PRRC2C: variants seen among roughly 807,000 people sequenced by gnomAD.
PRRC2C encodes protein PRRC2C.
PRRC2C carries 72 observed loss-of-function variants against 317.2 expected under a neutral mutation model. The ratio of observed to expected loss-of-function variants is 0.23; its 90% confidence interval spans 0.19 to 0.28. The LOEUF (loss-of-function observed/expected upper bound fraction) is 0.28, where lower values mean the gene tolerates loss of function less well. PRRC2C is among the 10% of genes least tolerant of loss of function. The pLI is 1.00. For synonymous variants in PRRC2C, 1,296 were observed against 1,205.9 expected (o/e 1.07, Z -1.55); for missense variants, 3,074 against 3,459.7 (o/e 0.89, Z 2.80).
chr1:171,486,241 G>A (rs959932574), intron 1 of PRRC2C, among the ~76,000 whole-genome samples: 1 of 151,746 alleles, frequency 6.6e-6, no homozygotes, highest in African/African-American at 2.4e-5. Flanking sequence ...GTATGGGAGG[G>A]TCTGGTTTAA....
chr1:171,507,093 C>T (rs530762985), intron 1 of PRRC2C, among the ~76,000 whole-genome samples: 1 of 152,066 alleles, frequency 6.6e-6, no homozygotes, highest in East Asian at 1.9e-4. Context: ...TCAAGTGTAG[C>T]TTTAAGGTCT....
Position 171,557,220 on chromosome 1 carries a change from G to A in PRRC2C, c.5128-20G>A. The A allele has an allele frequency of 6.6e-7, 1 of 1,521,610 alleles. No homozygotes were observed. The highest frequency in any genetic ancestry group is 8.8e-7 in the Non-Finnish European group (1 of 1,133,776). The allele number at this position is 1,521,610 out of a possible 1,614,324, so 94.3% of individuals were successfully genotyped here. On this transcript the variant is annotated intron_variant, in intron 18 of 34. Coordinates refer to ENST00000647382, the MANE Select transcript of PRRC2C (RefSeq NM_001387844.1). ...TTCAGCTGCATTATTGACAAAAATG[G>A]TCCCCGTTAATTTTTTAAGGTCTGG... is the stretch of plus-strand genomic sequence containing the variant.
At position 171,584,077 on chromosome 1, in the gene PRRC2C, G is replaced by A. The variant is rs1267148961; in HGVS notation, c.7531G>A (p.Ala2511Thr). ...ACTTGCCAAGGCACAATCCGGTCTT[G>A]CCTTTCAGCAAACATCAAATACTCA... Reference protein sequence around the residue: ...QELAKAQSGLAFQQTSNTQPI... With the variant: ...QELAKAQSGLTFQQTSNTQPI... Residue 2511 changes from alanine (A) to threonine (T), a missense_variant, in exon 29 of 35, where the codon GCC becomes ACC. Physicochemically the swap from Ala to Thr is moderately conservative, Grantham distance 58 (BLOSUM62 0). Transcript: ENST00000647382. The A allele has an allele frequency of 3.1e-6, 5 of 1,613,940 alleles. No individual in the cohort carries two copies. The highest frequency in any genetic ancestry group is 3.3e-5 in the Admixed American group (2 of 60,012).
At chr1:171,509,844 C>CTTTTTTTTTTTTTTTTTTTTTTTTTT (rs11363110) in intron 1 of PRRC2C, 1 of 59,770 alleles carries the variant, frequency 1.7e-5, no homozygotes, top group African/African-American at 7.2e-5. Flanking sequence ...AACATTGTTT[C>CTTTTTTTTTTTTTTTTTTTTTTTTTT]TTTTTTTTTT....
intron 34 of PRRC2C, among the ~76,000 whole-genome samples, chr1:171,590,075 G>A (rs895263536): frequency 2.0e-5 from 3 of 147,384 alleles, no homozygotes; most frequent in Non-Finnish European, 4.5e-5. Context: ...ATGGTTATAT[G>A]AAAACTCTGG....
At chr1:171,524,504 A>T (rs1674204016) in intron 9 of PRRC2C, among the ~76,000 whole-genome samples, 1 of 152,198 alleles carries the variant, frequency 6.6e-6, no homozygotes, top group South Asian at 2.1e-4. Flanking sequence ...CAGTTAAATA[A>T]TAATTCCAAT....
chr1:171,589,438 G>A lies in PRRC2C; in HGVS notation c.8269G>A (p.Val2757Ile), dbSNP rs938800011. Residue 2757 changes from valine (V) to isoleucine (I), a missense_variant, in exon 34 of 35, where the codon GTT (valine) becomes ATT (isoleucine). Physicochemically the swap from Val to Ile is conservative, Grantham distance 29. Transcript: ENST00000647382. ...ACATACTAACACCTTCCCAGCGCCT[G>A]TTCAGAGGCCACCAATGGCACTGGC... ...APHTNTFPAP[V>I]QRPPMALASQ... The A allele has an allele frequency of 1.6e-6, 2 of 1,288,746 alleles. No homozygotes were observed. The highest frequency in any genetic ancestry group is 1.5e-5 in the African/African-American group (1 of 65,468). 79.8% of individuals were successfully genotyped at this position (1,288,746 alleles called of 1,614,324 possible). A position where few individuals can be genotyped will look rare whatever the true frequency, so the allele number is the denominator to read the frequency against.
At chr1:171,514,887 A>C (rs1034188596) in intron 4 of PRRC2C, among the ~76,000 whole-genome samples, 4 of 152,272 alleles carry the variant, frequency 2.6e-5, no homozygotes, top group African/African-American at 9.6e-5. Context: ...TGTGCCCCAC[A>C]TCATTTTATC....
rs1414432603 is a variant in PRRC2C at position 171,540,741 on chromosome 1, C to A, written c.3275C>A (p.Thr1092Lys). Residue 1092 changes from threonine to lysine, a missense_variant, in exon 16 of 35, where the codon ACA becomes AAA. By Grantham distance (78) the Thr-to-Lys change is moderately conservative. Coordinates refer to ENST00000647382, the MANE Select transcript of PRRC2C (RefSeq NM_001387844.1). The stretch of plus-strand genomic sequence containing the variant: ...CCAGAAGCAGAGAAATTTCCTTCAA[C>A]AGAAACTGCAACTTTGGCTCAAAAA... Reference protein sequence around the residue: ...IQPEAEKFPSTETATLAQKPS... With the variant: ...IQPEAEKFPSKETATLAQKPS... The A allele has an allele frequency of 3.1e-6, 5 of 1,613,874 alleles. No individual in the cohort carries two copies. Among genetic ancestry groups the A allele is most frequent in the African/African-American group, 1.3e-5 (1 of 74,924 alleles).
rs376679813 is a variant in PRRC2C, at chr1:171,490,756, A to G, written c.-58+5021A>G. 1.6e-4 allele frequency among the ~76,000 whole-genome samples: 25 copies of G among 152,310 alleles called. 1 individual carries two copies. In the South Asian group the frequency reaches 3.3e-3, roughly 20 times the overall value. Reference sequence around the variant, plus strand: ...GTGATATCCTTGGTGACCTTAAAATAATCTAGGTCAAGTTACAAAAGTGGA... The same window carrying G: ...GTGATATCCTTGGTGACCTTAAAATGATCTAGGTCAAGTTACAAAAGTGGA... On this transcript the variant is annotated intron_variant, in intron 1 of 34. Transcript: ENST00000647382.
At chr1:171,582,406 ATT>A (rs1648829008) in intron 28 of PRRC2C, among the ~76,000 whole-genome samples, 5 of 152,206 alleles carry the variant, frequency 3.3e-5, no homozygotes, top group African/African-American at 1.2e-4. Context: ...TCTTTTCTTG[ATT>A]TCTGAGCTAA....
Position 171,540,328 on chromosome 1 carries a change from A to G in PRRC2C, c.2862A>G (p.Arg954=), listed in dbSNP as rs975531822. The change falls in exon 16 of 35, where the codon AGA becomes AGG. Residue 954 remains arginine (R), a synonymous_variant. Transcript: ENST00000647382. ...PSAGIPKVTS[R]CIDSKEPIER... Reference sequence around the variant, plus strand: ...CAGGCATTCCTAAAGTAACCAGCAGATGCATTGATTCAAAAGAACCAATAG... The same window carrying G: ...CAGGCATTCCTAAAGTAACCAGCAGGTGCATTGATTCAAAAGAACCAATAG... 6.2e-6 allele frequency: 10 copies of G among 1,613,500 alleles called. No individual in the cohort carries two copies. The African/African-American group carries it at 1.3e-4, about 22-fold the overall frequency.
intron 1 of PRRC2C, among the ~76,000 whole-genome samples, chr1:171,486,510 C>G (rs1431674391): frequency 6.6e-6 from 1 of 152,104 alleles, no homozygotes; most frequent in Non-Finnish European, 1.5e-5. Context: ...TAGAGTCTTC[C>G]TTCCTTTGCA....
chr1:171,564,684 C>T (rs1370868062), intron 20 of PRRC2C, among the ~76,000 whole-genome samples: 1 of 152,178 alleles, frequency 6.6e-6, no homozygotes, highest in Non-Finnish European at 1.5e-5. Context: ...CAAACCTATA[C>T]AGCTTATTAC....
At chr1:171,578,967 A>G (rs564653138) in intron 26 of PRRC2C, among the ~76,000 whole-genome samples, 2 of 152,240 alleles carry the variant, frequency 1.3e-5, no homozygotes, top group African/African-American at 2.4e-5. Context: ...TTAAATGTCA[A>G]TCCTCTAAAT....
intron 16 of PRRC2C, among the ~76,000 whole-genome samples, chr1:171,544,848 AG>A (rs1490132473): frequency 6.6e-6 from 1 of 152,240 alleles, no homozygotes; most frequent in Non-Finnish European, 1.5e-5. Context: ...CTATAGGCTA[AG>A]ATGCAAATGA....
At chr1:171,587,297 TA>T (rs1558059301) in intron 31 of PRRC2C, 76 bp downstream of exon 31, 1 of 1,317,950 alleles carries the variant, frequency 7.6e-7, no homozygotes, top group Admixed American at 2.7e-5. Context: ...CTGTGTTATC[TA>T]AAAAACTAAA....
Position 171,584,408 on chromosome 1 carries a change from A to C in PRRC2C, c.7642-11A>C, listed in dbSNP as rs1008127162. 2.6e-6 allele frequency: 4 copies of C among 1,539,774 alleles called. No individual in the cohort carries two copies. The highest frequency in any genetic ancestry group is 1.4e-5 in the African/African-American group (1 of 71,640). Reference sequence around the variant, plus strand: ...AGTCTTACTCATGTTTTCTTAAAAAATTTTTTCTAGGCCAGAGCAAATCTT... The same window carrying C: ...AGTCTTACTCATGTTTTCTTAAAAACTTTTTTCTAGGCCAGAGCAAATCTT... On this transcript the variant is annotated splice_polypyrimidine_tract_variant and intron_variant, in intron 29 of 34. Transcript: ENST00000647382.
intron 26 of PRRC2C, 114 bp downstream of exon 26, chr1:171,577,751 C>G: frequency 4.0e-6 from 3 of 741,830 alleles, no homozygotes; most frequent in Non-Finnish European, 6.4e-6. Context: ...AAGTACATTG[C>G]TGTAAATATT....
Sources: gnomAD v4.1 joint callset for allele counts (sites outside exome capture counted in the v4.1 genomes callset) on GRCh38, gnomAD v4.1.1 for gene constraint, MANE v1.5 for transcripts, NCBI Gene and HGNC (gene_info 2026-07-23, HGNC 2026-07-21) for gene names.